CEP192: variants seen among roughly 807,000 people sequenced by gnomAD.
The protein encoded by CEP192 is centrosomal protein 192, also known as centrosomal protein of 192 kDa.
CEP192 carries 151 observed loss-of-function variants against 271.8 expected under a neutral mutation model. That is an observed-to-expected ratio of 0.56 (90% CI 0.49 to 0.64). The LOEUF is 0.64. CEP192 is among the 30% of genes least tolerant of loss of function. CEP192 has a pLI of 0.00. For synonymous variants in CEP192, 995 were observed against 1,076.5 expected (o/e 0.92, Z 1.48); for missense variants, 2,910 against 3,020.5 (o/e 0.96, Z 0.86).
intron 30 of CEP192, among the ~76,000 whole-genome samples, chr18:13,082,399 CTG>C (rs1407631839): frequency 9.3e-6 from 1 of 107,674 alleles, no homozygotes; most frequent in African/African-American, 3.6e-5. Flanking sequence ...CGTTTAAAGT[CTG>C]TTTTATCAGA....
At chr18:13,080,042 T>C (rs2038506338) in intron 30 of CEP192, among the ~76,000 whole-genome samples, 1 of 152,196 alleles carries the variant, frequency 6.6e-6, no homozygotes, top group African/African-American at 2.4e-5. Flanking sequence ...ACTGTAGGCT[T>C]GTAGTATAGT....
chr18:13,018,632 G>T lies in CEP192; in HGVS notation c.925+17G>T, dbSNP rs1253656238. On this transcript the variant is annotated intron_variant, in intron 8 of 44. Transcript: ENST00000506447. ...CTGGGACTAGTAAGTATAGAAATAT[G>T]ATTCTTTTGTTCTTAAGTTCTAGTT... The T allele has an allele frequency of 1.1e-5, 16 of 1,441,444 alleles. No individual in the cohort carries two copies. Among genetic ancestry groups the T allele is most frequent in the Non-Finnish European group, 1.5e-5 (16 of 1,085,698 alleles). The allele number at this position is 1,441,444 out of a possible 1,614,324, so 89.3% of individuals were successfully genotyped here. A position where few individuals can be genotyped will look rare whatever the true frequency, so the allele number is the denominator to read the frequency against.
At chr18:13,118,185 G>A (rs567275439) in intron 44 of CEP192, among the ~76,000 whole-genome samples, 19 of 152,200 alleles carry the variant, frequency 1.2e-4, no homozygotes, top group African/African-American at 4.3e-4. Context: ...CCTCGAACTG[G>A]GTTGTCACTG....
chr18:13,102,987 A>G (rs145672270), intron 38 of CEP192, among the ~76,000 whole-genome samples: 5 of 152,294 alleles, frequency 3.3e-5, no homozygotes, highest in African/African-American at 1.2e-4. Flanking sequence ...AAGTGGCACC[A>G]CTATCTGTTC....
intron 30 of CEP192, among the ~76,000 whole-genome samples, chr18:13,086,133 T>A (rs1598559210): frequency 6.6e-6 from 1 of 152,208 alleles, no homozygotes; most frequent in Non-Finnish European, 1.5e-5. Context: ...GGTTCTTTAT[T>A]CTCTTTGTAG....
chr18:13,108,135 G>C (rs1335577412), intron 40 of CEP192, among the ~76,000 whole-genome samples: 3 of 152,104 alleles, frequency 2.0e-5, no homozygotes, highest in Non-Finnish European at 4.4e-5. Context: ...CTTTCACCAT[G>C]TATAAAAATT....
intron 4 of CEP192, among the ~76,000 whole-genome samples, chr18:13,012,028 A>C (rs1481109827): frequency 3.3e-5 from 5 of 152,222 alleles, no homozygotes; most frequent in Non-Finnish European, 7.3e-5. Flanking sequence ...AAACATGCCA[A>C]GTGAGAGAAG....
chr18:12,991,859 G>T (rs2145710352), intron 1 of CEP192, among the ~76,000 whole-genome samples: 1 of 152,316 alleles, frequency 6.6e-6, no homozygotes, highest in East Asian at 1.9e-4. Context: ...CCCTGTGATG[G>T]GCGGTTCTGT....
intron 9 of CEP192, among the ~76,000 whole-genome samples, chr18:13,021,299 G>A (rs1488402219): frequency 1.3e-5 from 2 of 152,160 alleles, no homozygotes; most frequent in African/African-American, 4.8e-5. Context: ...TATAGTGTTA[G>A]GTAAGGGTCT....
chr18:13,095,456 GTC>G, intron 34 of CEP192, 45 bp from the exon 35 acceptor site: 1 of 1,440,592 alleles, frequency 6.9e-7, no homozygotes, highest in South Asian at 1.3e-5. Context: ...TAACTTCTCA[GTC>G]TCTTTCTTCA....
At chr18:12,994,816 T>G (rs2145736172) in intron 1 of CEP192, among the ~76,000 whole-genome samples, 1 of 152,272 alleles carries the variant, frequency 6.6e-6, no homozygotes, top group East Asian at 1.9e-4. Context: ...TTGAGATCCC[T>G]AGTGTGTAAG....
At position 13,052,969 on chromosome 18, in the gene CEP192, GTGAGCAGGAGTTGTCTC is replaced by G; in HGVS notation, c.3069_3085del (p.Glu1024LeufsTer16). ...GCAGCTCAGCAGCAGCAGCCTCCCT[GTGAGCAGGAGTTGTCTC>G]CCTTGGTGTGCTCGCCTGCTGGGGT... is the stretch of plus-strand genomic sequence containing the variant. On this transcript the variant is annotated frameshift_variant, in exon 18 of 45. Coordinates refer to ENST00000506447, the MANE Select transcript of CEP192 (RefSeq NM_032142.4). LOFTEE classifies it high-confidence loss of function. The G allele has an allele frequency of 6.2e-7, 1 of 1,613,296 alleles. No individual in the cohort carries two copies. The highest frequency in any genetic ancestry group is 2.2e-5 in the East Asian group (1 of 44,854).
intron 21 of CEP192, 47 bp from the exon 22 acceptor site, chr18:13,067,784 A>G: frequency 6.6e-7 from 1 of 1,510,980 alleles, no homozygotes; most frequent in Non-Finnish European, 9.2e-7. Context: ...ATGTTGTGCT[A>G]TTAATATATT....
intron 13 of CEP192, among the ~76,000 whole-genome samples, chr18:13,039,159 A>G (rs1222181172): frequency 6.6e-6 from 1 of 152,170 alleles, no homozygotes; most frequent in Non-Finnish European, 1.5e-5. Flanking sequence ...CTCAGTGATG[A>G]AAAGGAGGCA....
At chr18:13,072,977 G>C (rs767744641) in intron 29 of CEP192, 32 bp from the exon 30 acceptor site, 1 of 1,593,820 alleles carries the variant, frequency 6.3e-7, no homozygotes, top group Non-Finnish European at 8.6e-7. Context: ...CTACTGCTTT[G>C]TTTTATGCAT....
In CEP192 at chr18:13,072,731, T is replaced by A. The variant is rs532968337; in HGVS notation, c.5349-24T>A. On this transcript the variant is annotated intron_variant, in intron 28 of 44. Transcript: ENST00000506447. ...GCAATATCCATGGAGAAAAACCATA[T>A]TTAAAATGTCTAATTGTTTTTAGGC... is the stretch of plus-strand genomic sequence containing the variant. 3.0e-5 allele frequency: 44 copies of A among 1,477,956 alleles called. No individual in the cohort carries two copies. The African/African-American group carries it at 5.8e-4, about 20-fold the overall frequency. The allele number at this position is 1,477,956 out of a possible 1,614,324, so 91.6% of individuals were successfully genotyped here.
At chr18:13,022,367 A>T (rs1568293931) in intron 9 of CEP192, among the ~76,000 whole-genome samples, 3 of 145,202 alleles carry the variant, frequency 2.1e-5, no homozygotes, top group Non-Finnish European at 3.1e-5. Flanking sequence ...TGTAAACTTT[A>T]TTTTTTTTTT....
intron 1 of CEP192, among the ~76,000 whole-genome samples, chr18:12,996,063 GT>G (rs2145748285): frequency 6.6e-6 from 1 of 152,326 alleles, no homozygotes; most frequent in East Asian, 1.9e-4. Context: ...GAGCTAAGGA[GT>G]GAGGACGTTT....
chr18:12,999,536 T>C lies in CEP192; in HGVS notation c.112T>C (p.Leu38=), dbSNP rs771454038. 6.4e-7 allele frequency: 1 copy of C among 1,550,864 alleles called. No individual in the cohort carries two copies. Among genetic ancestry groups the C allele is most frequent in the Non-Finnish European group, 8.7e-7 (1 of 1,146,800 alleles). ...ENVTLSSNLG[L]PVAVSTLARD... Reference sequence around the variant, plus strand: ...TGTCACTCTTTCTTCAAATCTTGGCTTGCCTGTTGCTGTTTCTACACTTGC... The same window carrying C: ...TGTCACTCTTTCTTCAAATCTTGGCCTGCCTGTTGCTGTTTCTACACTTGC... Residue 38 remains leucine (L), a synonymous_variant, in exon 2 of 45, where the codon TTG becomes CTG. Coordinates refer to ENST00000506447, the MANE Select transcript of CEP192 (RefSeq NM_032142.4).
Sources: gnomAD v4.1 joint callset for allele counts (sites outside exome capture counted in the v4.1 genomes callset) on GRCh38, gnomAD v4.1.1 for gene constraint, MANE v1.5 for transcripts, NCBI Gene and HGNC (gene_info 2026-07-23, HGNC 2026-07-21) for gene names.